Variants in DYRK1A observed in about 807,000 individuals in gnomAD.
The protein encoded by DYRK1A is dual specificity tyrosine-phosphorylation-regulated kinase 1A.
In DYRK1A, 9 loss-of-function variants were observed where a neutral mutation model predicts 79.7. The ratio of observed to expected loss-of-function variants is 0.11; its 90% confidence interval spans 0.07 to 0.20. The LOEUF (loss-of-function observed/expected upper bound fraction) is 0.20, where lower values mean the gene tolerates loss of function less well. DYRK1A is among the 10% of genes least tolerant of loss of function. The pLI is 1.00. For missense variants in DYRK1A, 622 were observed against 956.0 expected, an observed-to-expected ratio of 0.65 and a Z score of 4.61; for synonymous variants, 349 against 329.7, an observed-to-expected ratio of 1.06 and a Z score of -0.63.
chr21:37,455,429 A>G (rs979552748), intron 2 of DYRK1A, among the ~76,000 whole-genome samples: 3 of 152,188 alleles, frequency 2.0e-5, no homozygotes, highest in Admixed American at 6.5e-5. Context: ...ATTTTAAATA[A>G]TGGTACATTT....
chr21:37,406,042 T>C (rs925800316), intron 1 of DYRK1A, among the ~76,000 whole-genome samples: 4 of 152,070 alleles, frequency 2.6e-5, no homozygotes, highest in African/African-American at 9.7e-5. Flanking sequence ...ATGATACATA[T>C]ATTTATTTCT....
intron 2 of DYRK1A, among the ~76,000 whole-genome samples, chr21:37,456,598 A>C (rs946473421): frequency 6.6e-6 from 1 of 152,020 alleles, no homozygotes; most frequent in African/African-American, 2.4e-5. Flanking sequence ...GGTGTTCAAC[A>C]ATCTTGTCTT....
chr21:37,396,180 G>A (rs543357475), intron 1 of DYRK1A, among the ~76,000 whole-genome samples: 1 of 152,106 alleles, frequency 6.6e-6, no homozygotes, highest in East Asian at 1.9e-4. Context: ...TTATTGGTTT[G>A]TGGCTTTGGA....
chr21:37,506,053 G>T lies in DYRK1A; in HGVS notation c.1520-46G>T. ...TTCAGAGTATAAATTTGAACAAAAT[G>T]AATTTTAAACTCACAGTTGTATTGT... On this transcript the variant is annotated intron_variant, in intron 10 of 11. Coordinates refer to ENST00000647188, the MANE Select transcript of DYRK1A (RefSeq NM_001347721.2). 1.9e-6 allele frequency: 3 copies of T among 1,575,982 alleles called. 1 individual carries two copies. The highest frequency in any genetic ancestry group is 2.3e-5 in the South Asian group (2 of 88,096).
intron 2 of DYRK1A, among the ~76,000 whole-genome samples, chr21:37,438,636 A>G (rs2050996642): frequency 6.6e-6 from 1 of 152,154 alleles, no homozygotes; most frequent in Admixed American, 6.5e-5. Flanking sequence ...AGTCTTCCAT[A>G]TATGTGTGGG....
chr21:37,422,725 G>A (rs969575818), intron 2 of DYRK1A, among the ~76,000 whole-genome samples: 23 of 152,000 alleles, frequency 1.5e-4, no homozygotes, highest in South Asian at 4.1e-4. Flanking sequence ...ATTTCATTTT[G>A]TATATGTGTA....
At chr21:37,422,853 A>G (rs1342876338) in intron 2 of DYRK1A, among the ~76,000 whole-genome samples, 1 of 152,156 alleles carries the variant, frequency 6.6e-6, no homozygotes, top group Non-Finnish European at 1.5e-5. Context: ...GGCCAAAGTC[A>G]GACTTTGATG....
intron 1 of DYRK1A, among the ~76,000 whole-genome samples, chr21:37,371,018 C>G (rs1247191940): frequency 6.6e-6 from 1 of 152,070 alleles, no homozygotes; most frequent in Non-Finnish European, 1.5e-5. Flanking sequence ...AATTTATGAC[C>G]CAAAGCTTGC....
intron 1 of DYRK1A, chr21:37,420,078 GTT>G: frequency 4.5e-6 from 1 of 223,712 alleles, no homozygotes; most frequent in Non-Finnish European, 8.6e-6. Context: ...TTTTGAAACT[GTT>G]TTTTTTTTCT....
chr21:37,386,503 T>C (rs1243045447), intron 1 of DYRK1A, among the ~76,000 whole-genome samples: 3 of 152,246 alleles, frequency 2.0e-5, no homozygotes, highest in African/African-American at 7.2e-5. Context: ...TCTGTGGTGC[T>C]GTGTGCCACA....
chr21:37,397,474 G>C (rs1355146541), intron 1 of DYRK1A, among the ~76,000 whole-genome samples: 2 of 152,190 alleles, frequency 1.3e-5, no homozygotes, highest in African/African-American at 4.8e-5. Context: ...GTGAAGAGTA[G>C]TTAGAAGTTT....
rs2053952598 is a variant in DYRK1A at position 37,524,023 on chromosome 21, A to G, written c.*11492A>G. 2 of 152,194 alleles carry G rather than the reference A, an allele frequency of 1.3e-5. No homozygotes were observed. Among genetic ancestry groups the G allele is most frequent in the African/African-American group, 2.4e-5 (1 of 41,436 alleles). 9.4% of individuals were successfully genotyped at this position (152,194 alleles called of 1,614,324 possible). A position where few individuals can be genotyped will look rare whatever the true frequency, so the allele number is the denominator to read the frequency against. On this transcript the variant is annotated 3_prime_UTR_variant, in exon 12 of 12. Transcript: ENST00000647188. ...TACAACATTTTATTTTTTATTACCAATATATACAAGAAAAGTGGATTTCAA... is the reference window on the plus strand; with the variant it reads ...TACAACATTTTATTTTTTATTACCAGTATATACAAGAAAAGTGGATTTCAA...
In DYRK1A at chr21:37,506,138, C is replaced by G; in HGVS notation, c.1559C>G (p.Ser520Trp). 6.2e-7 allele frequency: 1 copy of G among 1,613,876 alleles called. No homozygotes were observed. The highest frequency in any genetic ancestry group is 8.5e-7 in the Non-Finnish European group (1 of 1,179,790). The part of the protein sequence containing the change: ...SGTSNSGRAR[S>W]DPTHQHRHSG... The stretch of plus-strand genomic sequence containing the variant: ...ACAAGCAACAGTGGGAGAGCCCGGT[C>G]GGATCCGACGCACCAGCATCGGCAC... Residue 520 changes from serine (S) to tryptophan (W), a missense_variant, in exon 11 of 12, where the codon TCG becomes TGG. Ser to Trp is a radical substitution (Grantham distance 177). Around this residue, in one of 5 missense-constraint regions of DYRK1A, gnomAD observed 292 missense variants for 316.7 expected, o/e 0.92. Coordinates refer to ENST00000647188, the MANE Select transcript of DYRK1A (RefSeq NM_001347721.2).
In DYRK1A at chr21:37,490,332, T is replaced by C. The variant is rs1057523364; in HGVS notation, c.795T>C (p.Leu265=). 9.9e-6 allele frequency: 16 copies of C among 1,613,632 alleles called. No homozygotes were observed. In the South Asian group the frequency reaches 1.3e-4, roughly 13 times the overall value. ...CGCAACAGATGTGCACTGCACTGCTTTTCCTTGCGACTCCAGAACTTAGTA... is the reference window on the plus strand; with the variant it reads ...CGCAACAGATGTGCACTGCACTGCTCTTCCTTGCGACTCCAGAACTTAGTA... ...KFAQQMCTAL[L]FLATPELSII... Residue 265 remains leucine, a synonymous_variant, in exon 7 of 12, where the codon CTT becomes CTC. Transcript: ENST00000647188.
At chr21:37,396,048 G>T (rs1341583907) in intron 1 of DYRK1A, among the ~76,000 whole-genome samples, 1 of 152,156 alleles carries the variant, frequency 6.6e-6, no homozygotes, top group Non-Finnish European at 1.5e-5. Context: ...GTGATTCCTG[G>T]CCCCATGTAT....
chr21:37,439,994 C>G (rs1301810463), intron 2 of DYRK1A, among the ~76,000 whole-genome samples: 1 of 151,848 alleles, frequency 6.6e-6, no homozygotes, highest in Non-Finnish European at 1.5e-5. Context: ...CAAATAGTTA[C>G]AATTTTGTTT....
intron 1 of DYRK1A, among the ~76,000 whole-genome samples, chr21:37,405,004 T>C (rs1043972650): frequency 1.3e-5 from 2 of 152,224 alleles, no homozygotes; most frequent in Admixed American, 1.3e-4. Flanking sequence ...TCTTACGGCA[T>C]GTACATTCTC....
chr21:37,406,031 G>A (rs1203842084), intron 1 of DYRK1A, among the ~76,000 whole-genome samples: 2 of 151,006 alleles, frequency 1.3e-5, no homozygotes, highest in African/African-American at 4.9e-5. Context: ...TTTTTTTAAG[G>A]ATGATACATA....
chr21:37,441,293 A>G (rs1368128907), intron 2 of DYRK1A, among the ~76,000 whole-genome samples: 1 of 152,150 alleles, frequency 6.6e-6, no homozygotes, highest in Non-Finnish European at 1.5e-5. Context: ...TTTATTTCTT[A>G]CAGACACATA....
Sources: gnomAD v4.1 joint callset for allele counts (sites outside exome capture counted in the v4.1 genomes callset) on GRCh38, gnomAD v4.1.1 for gene constraint, gnomAD v4.1.1 regional missense constraint, MANE v1.5 for transcripts, NCBI Gene and HGNC (gene_info 2026-07-23, HGNC 2026-07-21) for gene names.